SECISBP2: variants seen among roughly 807,000 people sequenced by gnomAD.
SECISBP2 encodes the protein selenocysteine insertion sequence-binding protein 2.
Under a neutral mutation model 98.2 loss-of-function variants are expected in SECISBP2, and 96 were observed. That is an observed-to-expected ratio of 0.98 (90% CI 0.83 to 1.16). The LOEUF (loss-of-function observed/expected upper bound fraction) is 1.16. SECISBP2 is among the 50% of genes most tolerant of loss of function. The pLI is 0.00. For synonymous variants in SECISBP2, 407 were observed against 370.2 expected, an observed-to-expected ratio of 1.10 and a Z score of -1.14; for missense variants, 1,046 against 1,022.9, an observed-to-expected ratio of 1.02 and a Z score of -0.31.
Position 89,339,845 on chromosome 9 carries a change from G to A in SECISBP2, c.1213-19G>A. The A allele has an allele frequency of 1.9e-6, 3 of 1,572,944 alleles. No homozygotes were observed. The highest frequency in any genetic ancestry group is 2.6e-6 in the Non-Finnish European group (3 of 1,142,938). On this transcript the variant is annotated intron_variant, in intron 8 of 16. Coordinates refer to ENST00000375807, the MANE Select transcript of SECISBP2 (RefSeq NM_024077.5). ...GTTTGCATTAACAAAAGAGCTAAAG[G>A]GGTGTGTGGTTTACTTAGGATGCCG...
At chr9:89,342,141 C>T (rs896151492) in intron 10 of SECISBP2, among the ~76,000 whole-genome samples, 1 of 152,196 alleles carries the variant, frequency 6.6e-6, no homozygotes, top group African/African-American at 2.4e-5. Flanking sequence ...AAAGACATTT[C>T]TCCAGAAGTA....
At chr9:89,345,308 A>G (rs1273336955) in intron 10 of SECISBP2, among the ~76,000 whole-genome samples, 1 of 152,182 alleles carries the variant, frequency 6.6e-6, no homozygotes, top group Non-Finnish European at 1.5e-5. Flanking sequence ...CACGCTTTGA[A>G]TGACCACGCT....
chr9:89,357,616 G>C, intron 15 of SECISBP2, 51 bp downstream of exon 15: 1 of 1,608,780 alleles, frequency 6.2e-7, no homozygotes, highest in Non-Finnish European at 8.5e-7. Context: ...GGGAGGAAGT[G>C]GGGGCAGGTG....
intron 11 of SECISBP2, among the ~76,000 whole-genome samples, chr9:89,347,465 CTTTTTT>C (rs1184563393): frequency 0.034 from 2,929 of 87,414 alleles, 92 homozygotes; most frequent in South Asian, 0.19. Flanking sequence ...CCGGTGAATT[CTTTTTT>C]TTTTTTTTTT....
rs1023524645 is a variant in SECISBP2 at position 89,318,510 on chromosome 9, T to C, written c.-67T>C. The C allele has an allele frequency of 1.3e-5, 19 of 1,481,332 alleles. No homozygotes were observed. Among genetic ancestry groups the C allele is most frequent in the South Asian group, 3.7e-5 (3 of 81,816 alleles). The allele number at this position is 1,481,332 out of a possible 1,614,324, so 91.8% of individuals were successfully genotyped here. On this transcript the variant is annotated 5_prime_UTR_variant, in exon 1 of 17. Transcript: ENST00000375807. Reference sequence around the variant, plus strand: ...GTCGCCTGCGGGGGCGGAAACGCTTTGTCTGTCCGGCAAGCCGACGGCCCG... The same window carrying C: ...GTCGCCTGCGGGGGCGGAAACGCTTCGTCTGTCCGGCAAGCCGACGGCCCG...
chr9:89,328,654 T>G lies in SECISBP2; in HGVS notation c.575-6T>G, dbSNP rs769470313. Reference sequence around the variant, plus strand: ...TTTACTCTTACTTTTAATTTTGTAATTACAGATGGTTACCATAAGCGAACA... The same window carrying G: ...TTTACTCTTACTTTTAATTTTGTAAGTACAGATGGTTACCATAAGCGAACA... On this transcript the variant is annotated splice_polypyrimidine_tract_variant and splice_region_variant and intron_variant, in intron 4 of 16. Coordinates refer to ENST00000375807, the MANE Select transcript of SECISBP2 (RefSeq NM_024077.5). 96 of 1,611,278 alleles carry G rather than the reference T, an allele frequency of 6.0e-5. No individual in the cohort carries two copies. The highest frequency in any genetic ancestry group is 7.0e-5 in the Non-Finnish European group (82 of 1,177,702).
At chr9:89,355,351 G>GA in intron 14 of SECISBP2, 2 of 985,412 alleles carry the variant, frequency 2.0e-6, no homozygotes. Flanking sequence ...CCTTCCTCCA[G>GA]AGACCACTGT....
Position 89,357,570 on chromosome 9 carries a change from G to T in SECISBP2, c.2268+5G>T. 1 of 1,612,990 alleles carries T rather than the reference G, an allele frequency of 6.2e-7. No individual in the cohort carries two copies. The highest frequency in any genetic ancestry group is 8.5e-7 in the Non-Finnish European group (1 of 1,179,940). ...TTCAGCTATGATGGGGCCCAGGTGA[G>T]TGCACAGGGCACAGGCCTCTTCAGT... On this transcript the variant is annotated splice_donor_5th_base_variant and intron_variant, in intron 15 of 16. Transcript: ENST00000375807.
At position 89,325,904 on chromosome 9, in the gene SECISBP2, C is replaced by A. The variant is rs768875286; in HGVS notation, c.440C>A (p.Thr147Asn). Reference sequence around the variant, plus strand: ...TTTTAATCTTTCCTGCAGAAGAAAACCTATGATGAGAAAAAAACGTATGAT... The same window carrying A: ...TTTTAATCTTTCCTGCAGAAGAAAAACTATGATGAGAAAAAAACGTATGAT... ...QEMKALFKKKTYDEKKTYDQQ... is the reference protein window; with the variant it reads ...QEMKALFKKKNYDEKKTYDQQ... The change falls in exon 4 of 17, where the codon ACC (threonine) becomes AAC (asparagine). Residue 147 changes from threonine (T) to asparagine (N), a missense_variant. Thr to Asn is a moderately conservative substitution (Grantham distance 65, BLOSUM62 0). Transcript: ENST00000375807. The A allele has an allele frequency of 6.2e-7, 1 of 1,613,706 alleles. No individual in the cohort carries two copies. Among genetic ancestry groups the A allele is most frequent in the South Asian group, 1.1e-5 (1 of 91,080 alleles).
intron 1 of SECISBP2, chr9:89,318,952 A>C (rs1394105144): frequency 8.7e-7 from 1 of 1,147,026 alleles, no homozygotes; most frequent in African/African-American, 1.6e-5. Context: ...GATTGTTTTA[A>C]AGGATCCTGC....
intron 2 of SECISBP2, chr9:89,322,440 T>TC (rs1825970532): frequency 6.6e-6 from 1 of 152,234 alleles, no homozygotes; most frequent in South Asian, 2.1e-4. Flanking sequence ...CTTTCATAGT[T>TC]ACTACAATCC....
chr9:89,344,222 C>T lies in SECISBP2; in HGVS notation c.1436-2660C>T, dbSNP rs982712356. 5.3e-5 allele frequency among the ~76,000 whole-genome samples: 8 copies of T among 151,992 alleles called. No homozygotes were observed. In the South Asian group the frequency reaches 6.2e-4, roughly 12 times the overall value. On this transcript the variant is annotated intron_variant, in intron 10 of 16. Coordinates refer to ENST00000375807, the MANE Select transcript of SECISBP2 (RefSeq NM_024077.5). Reference sequence around the variant, plus strand: ...AGATGTTGGCTATTAGACCTTTGTCCGATGGATAGATTGCAGAAATTTCTC... The same window carrying T: ...AGATGTTGGCTATTAGACCTTTGTCTGATGGATAGATTGCAGAAATTTCTC...
At chr9:89,365,957 A>G in the SECISBP2 span, among the ~76,000 whole-genome samples, 2 of 152,216 alleles carry the variant, frequency 1.3e-5, no homozygotes, top group African/African-American at 2.4e-5. Flanking sequence ...CCCACTGTCC[A>G]GGATCACCAG....
downstream of SECISBP2, chr9:89,361,529 A>G (rs548922966): frequency 6.6e-6 from 1 of 152,382 alleles, no homozygotes; most frequent in South Asian, 2.1e-4. Context: ...ACAGTGACAC[A>G]GTCTTCAGAG....
Position 89,328,913 on chromosome 9 carries a change from T to G in SECISBP2, c.801+27T>G, listed in dbSNP as rs773512714. The G allele has an allele frequency of 1.5e-5, 23 of 1,556,498 alleles. No homozygotes were observed. The African/African-American group carries it at 3.0e-4, about 20-fold the overall frequency. Reference sequence around the variant, plus strand: ...TGAGGTGAGGGTTTCTCTCTTTTTCTTTTTCCTTTGTACACTTTAAATTGT... The same window carrying G: ...TGAGGTGAGGGTTTCTCTCTTTTTCGTTTTCCTTTGTACACTTTAAATTGT... On this transcript the variant is annotated intron_variant, in intron 5 of 16. Transcript: ENST00000375807.
chr9:89,355,633 T>A, intron 14 of SECISBP2: 1 of 877,618 alleles, frequency 1.1e-6, no homozygotes, highest in Non-Finnish European at 1.4e-6. Flanking sequence ...GTGTTTTATA[T>A]ATTGGTATTT....
chr9:89,323,782 G>C (rs1462776367), intron 2 of SECISBP2: 2 of 152,188 alleles, frequency 1.3e-5, no homozygotes, highest in African/African-American at 2.4e-5. Context: ...TTTGTATTTT[G>C]TGTTGTTTTC....
chr9:89,363,760 C>G, downstream of SECISBP2: 2 of 1,613,298 alleles, frequency 1.2e-6, no homozygotes, highest in South Asian at 1.1e-5. Context: ...TCACAGCAAC[C>G]TGCACCTTCG....
At chr9:89,363,275 C>G (rs368390278), downstream of SECISBP2, among the ~76,000 whole-genome samples, 2 of 152,164 alleles carry the variant, frequency 1.3e-5, no homozygotes, top group African/African-American at 2.4e-5. Context: ...TTTCCCCCCC[C>G]AGTGTTGCAG....
Sources: allele counts gnomAD v4.1 joint callset (sites outside exome capture counted in the v4.1 genomes callset), GRCh38; gene constraint gnomAD v4.1.1; transcripts MANE v1.5; gene names NCBI Gene and HGNC (gene_info 2026-07-23, HGNC 2026-07-21).